Variants in ARHGAP32 observed in about 807,000 individuals in gnomAD.
ARHGAP32 encodes rho GTPase-activating protein 32.
A neutral mutation model predicts 186.5 loss-of-function variants in ARHGAP32; 51 were observed. The observed-to-expected ratio is 0.27, with a 90% confidence interval of 0.22 to 0.35. ARHGAP32 has a LOEUF of 0.35. ARHGAP32 is among the 10% of genes least tolerant of loss of function. The pLI, the probability that ARHGAP32 is intolerant of heterozygous loss-of-function variation, is 1.00. For synonymous variants in ARHGAP32, 950 were observed against 964.3 expected (o/e 0.99, Z 0.27); for missense variants, 2,186 against 2,623.5 (o/e 0.83, Z 3.64).
At chr11:129,189,105 C>A (rs1001635798) in intron 1 of ARHGAP32, among the ~76,000 whole-genome samples, 1 of 152,084 alleles carries the variant, frequency 6.6e-6, no homozygotes, top group African/African-American at 2.4e-5. Flanking sequence ...ATGCTCATAA[C>A]CTCCTCAAAA....
At chr11:129,056,187 G>A (rs112176505) in intron 10 of ARHGAP32, among the ~76,000 whole-genome samples, 1 of 152,174 alleles carries the variant, frequency 6.6e-6, no homozygotes, top group African/African-American at 2.4e-5. Context: ...GGAAGGTATA[G>A]GTGAGGGGAG....
chr11:129,090,762 C>T (rs976165871), intron 6 of ARHGAP32, among the ~76,000 whole-genome samples: 1 of 152,112 alleles, frequency 6.6e-6, no homozygotes, highest in Non-Finnish European at 1.5e-5. Context: ...CCTGGTAACA[C>T]TGATGTTAAA....
intron 1 of ARHGAP32, among the ~76,000 whole-genome samples, chr11:129,250,711 A>C (rs1945170013): frequency 6.6e-6 from 1 of 152,202 alleles, no homozygotes; most frequent in Non-Finnish European, 1.5e-5. Context: ...ATTATTTCTG[A>C]AACTATCATA....
At chr11:129,119,298 A>G (rs1942461111) in intron 5 of ARHGAP32, among the ~76,000 whole-genome samples, 1 of 152,040 alleles carries the variant, frequency 6.6e-6, no homozygotes, top group Admixed American at 6.6e-5. Flanking sequence ...TCTCCTCAGC[A>G]TATTATCTCT....
chr11:129,248,611 T>C (rs1477133954), intron 1 of ARHGAP32, among the ~76,000 whole-genome samples: 4 of 152,170 alleles, frequency 2.6e-5, no homozygotes, highest in Non-Finnish European at 5.9e-5. Context: ...TTGTTTTCTG[T>C]GCTGTCTACA....
intron 2 of ARHGAP32, among the ~76,000 whole-genome samples, chr11:129,159,109 A>T (rs1943474787): frequency 6.6e-6 from 1 of 152,238 alleles, no homozygotes; most frequent in Non-Finnish European, 1.5e-5. Flanking sequence ...AGTGGGAAAG[A>T]TCTAAAATTG....
At chr11:129,193,827 G>T (rs1344011218), upstream of ARHGAP32, among the ~76,000 whole-genome samples, 1 of 136,870 alleles carries the variant, frequency 7.3e-6, no homozygotes, top group Non-Finnish European at 1.5e-5. Flanking sequence ...AACATTATAA[G>T]CAAAGTCAAA....
At chr11:129,245,523 G>T (rs550868236) in intron 1 of ARHGAP32, among the ~76,000 whole-genome samples, 1 of 147,112 alleles carries the variant, frequency 6.8e-6, no homozygotes, top group African/African-American at 2.5e-5. Flanking sequence ...TGGGTGCAGC[G>T]CACCAGCATG....
chr11:129,017,248 G>C (rs554019215), intron 11 of ARHGAP32, among the ~76,000 whole-genome samples: 1 of 152,180 alleles, frequency 6.6e-6, no homozygotes, highest in African/African-American at 2.4e-5. Flanking sequence ...AAGGTCAGGA[G>C]TTCGAGACCA....
intron 1 of ARHGAP32, among the ~76,000 whole-genome samples, chr11:129,189,924 G>A (rs920535316): frequency 4.6e-5 from 7 of 152,058 alleles, no homozygotes; most frequent in African/African-American, 1.7e-4. Flanking sequence ...AGTTACACAA[G>A]AGCAGGCTTT....
intron 1 of ARHGAP32, among the ~76,000 whole-genome samples, chr11:129,200,847 A>C (rs1359684200): frequency 6.6e-6 from 1 of 152,208 alleles, no homozygotes; most frequent in Non-Finnish European, 1.5e-5. Context: ...TGTTTTCATT[A>C]CTGTGATTAT....
chr11:129,240,570 T>A (rs1457953701), intron 1 of ARHGAP32, among the ~76,000 whole-genome samples: 1 of 152,194 alleles, frequency 6.6e-6, no homozygotes, highest in Admixed American at 6.5e-5. Context: ...TACTTTTAGT[T>A]GAATTACTCT....
intron 11 of ARHGAP32, 107 bp downstream of exon 11, chr11:129,040,821 C>T (rs1939561898): frequency 1.5e-6 from 1 of 668,066 alleles, no homozygotes; most frequent in South Asian, 2.1e-5. Context: ...AATTATTATG[C>T]CTATAAATGC....
At chr11:129,204,661 C>T (rs968326259) in intron 1 of ARHGAP32, among the ~76,000 whole-genome samples, 4 of 152,150 alleles carry the variant, frequency 2.6e-5, no homozygotes, top group African/African-American at 4.8e-5. Flanking sequence ...TGCTCCTCTG[C>T]TATTTCTCAG....
At chr11:128,980,880 C>A (rs1673198592) in intron 17 of ARHGAP32, 132 bp from the exon 18 acceptor site, 1 of 633,038 alleles carries the variant, frequency 1.6e-6, no homozygotes, top group South Asian at 2.6e-5. Context: ...ATAGCAAAAA[C>A]CATAGTGCTT....
At chr11:129,030,748 TTTAGA>T (rs1039694171) in intron 11 of ARHGAP32, among the ~76,000 whole-genome samples, 1 of 152,178 alleles carries the variant, frequency 6.6e-6, no homozygotes, top group African/African-American at 2.4e-5. Flanking sequence ...TGTGATATAG[TTTAGA>T]TATTTGTCCC....
chr11:129,271,947 T>C (rs557701241), intron 1 of ARHGAP32, among the ~76,000 whole-genome samples: 3 of 152,180 alleles, frequency 2.0e-5, no homozygotes, highest in Admixed American at 1.3e-4. Context: ...CCTGCACAAG[T>C]GGTGGCTGAT....
In ARHGAP32 at chr11:129,207,326, A is replaced by C. The variant is rs181199901; in HGVS notation, c.-4-42899T>G. On this transcript the variant is annotated intron_variant, in intron 1 of 6. Coordinates refer to the ARHGAP32 transcript ENST00000525234. Reference sequence around the variant, plus strand: ...GAGGAATCGTCACACTGTCTTCCACAATGGTTGAACTAAATTATACTCCCA... The same window carrying C: ...GAGGAATCGTCACACTGTCTTCCACCATGGTTGAACTAAATTATACTCCCA... Among the ~76,000 whole-genome samples the C allele has an allele frequency of 7.3e-4, 111 of 152,288 alleles. 1 individual carries two copies. The highest frequency in any genetic ancestry group is 1.2e-3 in the Non-Finnish European group (80 of 68,018).
chr11:129,157,063 C>T (rs1160948065), intron 2 of ARHGAP32, among the ~76,000 whole-genome samples: 1 of 152,122 alleles, frequency 6.6e-6, no homozygotes, highest in Non-Finnish European at 1.5e-5. Flanking sequence ...CACACATAAA[C>T]CCCATCCAAA....
Sources: gnomAD v4.1 joint callset for allele counts (sites outside exome capture counted in the v4.1 genomes callset) on GRCh38, gnomAD v4.1.1 for gene constraint, MANE v1.5 for transcripts, NCBI Gene and HGNC (gene_info 2026-07-23, HGNC 2026-07-21) for gene names.